The following CYP4F22 variants were observed in gnomAD, a reference collection of about 807,000 sequenced individuals.
CYP4F22 encodes ultra-long-chain fatty acid omega-hydroxylase.
A neutral mutation model predicts 60.4 loss-of-function variants in CYP4F22; 37 were observed. That is an observed-to-expected ratio of 0.61 (90% CI 0.47 to 0.81). CYP4F22 has a LOEUF of 0.81. Ranked by LOEUF, CYP4F22 falls within the 30% of genes least tolerant of loss-of-function variation. The pLI is 0.00. For missense variants in CYP4F22, 655 were observed against 715.0 expected, an observed-to-expected ratio of 0.92 and a Z score of 0.96; for synonymous variants, 258 against 280.5, an observed-to-expected ratio of 0.92 and a Z score of 0.80.
intron 13 of CYP4F22, 34 bp downstream of exon 13, chr19:15,550,790 T>G (rs375207389): frequency 3.1e-5 from 50 of 1,609,620 alleles, no homozygotes; most frequent in Middle Eastern, 1.6e-4. Flanking sequence ...CCAAGCCAGC[T>G]GTGTAGGAAC....
Position 15,544,207 on chromosome 19 carries a change from C to T in CYP4F22, c.1064C>T (p.Pro355Leu), listed in dbSNP as rs760727576. The change falls in exon 10 of 14, where the codon CCG becomes CTG. Residue 355 changes from proline (P) to leucine (L), a missense_variant. Physicochemically the swap from Pro to Leu is moderately conservative, Grantham distance 98. Transcript: ENST00000269703. ...SWMLFNLAKYPEYQEKCREEI... is the reference protein window; with the variant it reads ...SWMLFNLAKYLEYQEKCREEI... ...ATGCTGTTCAATTTGGCAAAGTATC[C>T]GGAATACCAGGAGAAATGCCGAGAA... 2.3e-5 allele frequency: 37 copies of T among 1,613,884 alleles called. No homozygotes were observed. Among genetic ancestry groups the T allele is most frequent in the Admixed American group, 3.3e-5 (2 of 59,964 alleles).
At chr19:15,535,859 C>T (rs957289607) in intron 4 of CYP4F22, among the ~76,000 whole-genome samples, 7 of 152,178 alleles carry the variant, frequency 4.6e-5, no homozygotes, top group African/African-American at 1.2e-4. Context: ...GTAATCAACA[C>T]GAACCCTCCT....
At chr19:15,542,689 C>T (rs1415103857) in intron 8 of CYP4F22, among the ~76,000 whole-genome samples, 1 of 151,978 alleles carries the variant, frequency 6.6e-6, no homozygotes, top group African/African-American at 2.4e-5. Flanking sequence ...GCTATTTATC[C>T]TGATATTCTC....
intron 1 of CYP4F22, among the ~76,000 whole-genome samples, chr19:15,512,315 G>A (rs753230816): frequency 9.9e-5 from 15 of 152,078 alleles, no homozygotes; most frequent in Non-Finnish European, 1.8e-4. Flanking sequence ...AGTCAAAAGT[G>A]AACATTAAAT....
At chr19:15,532,533 C>A (rs1971354498) in intron 4 of CYP4F22, among the ~76,000 whole-genome samples, 1 of 151,362 alleles carries the variant, frequency 6.6e-6, no homozygotes, top group Admixed American at 6.6e-5. Flanking sequence ...CACCACCACA[C>A]CTGGCTAATT....
intron 1 of CYP4F22, among the ~76,000 whole-genome samples, chr19:15,514,454 G>C (rs1260205897): frequency 6.6e-6 from 1 of 152,178 alleles, no homozygotes; most frequent in African/African-American, 2.4e-5. Flanking sequence ...TTGGGAGGCC[G>C]AGGCGGGTGG....
chr19:15,527,028 T>C (rs1376740574), intron 3 of CYP4F22, among the ~76,000 whole-genome samples: 1 of 152,116 alleles, frequency 6.6e-6, no homozygotes, highest in Non-Finnish European at 1.5e-5. Flanking sequence ...TTAGTTCTAC[T>C]CTCTGATGCC....
chr19:15,518,489 A>AG (rs953379247), intron 1 of CYP4F22, among the ~76,000 whole-genome samples: 3 of 147,884 alleles, frequency 2.0e-5, no homozygotes, highest in Non-Finnish European at 4.5e-5. Flanking sequence ...AAATACAAAA[A>AG]AAAAAAAAAA....
chr19:15,534,364 A>G (rs1200476667), intron 4 of CYP4F22, among the ~76,000 whole-genome samples: 3 of 152,182 alleles, frequency 2.0e-5, no homozygotes, highest in Non-Finnish European at 4.4e-5. Flanking sequence ...GCTCTCAAAC[A>G]TAGTGATATG....
intron 1 of CYP4F22, among the ~76,000 whole-genome samples, chr19:15,515,111 G>A (rs1971138089): frequency 6.6e-6 from 1 of 152,152 alleles, no homozygotes; most frequent in South Asian, 2.1e-4. Context: ...AAAGGCAGCT[G>A]GTATTGCGTA....
chr19:15,543,804 C>A (rs1971489762), intron 8 of CYP4F22, among the ~76,000 whole-genome samples, 167 bp from the exon 9 acceptor site: 1 of 149,490 alleles, frequency 6.7e-6, no homozygotes, highest in African/African-American at 2.5e-5. Context: ...CTGCAGTTAG[C>A]CGAGATTGTG....
chr19:15,549,030 C>A, intron 11 of CYP4F22, 108 bp from the exon 12 acceptor site: 1 of 1,202,350 alleles, frequency 8.3e-7, no homozygotes, highest in Non-Finnish European at 1.2e-6. Context: ...AAGGTGGTGG[C>A]AGATGGCTCA....
At chr19:15,532,010 G>A (rs1568358429) in intron 4 of CYP4F22, among the ~76,000 whole-genome samples, 2 of 152,020 alleles carry the variant, frequency 1.3e-5, no homozygotes, top group Non-Finnish European at 2.9e-5. Flanking sequence ...GGAGGCTGAG[G>A]TAGGAGGATT....
At chr19:15,542,085 A>G (rs1386975338) in intron 8 of CYP4F22, among the ~76,000 whole-genome samples, 1 of 151,982 alleles carries the variant, frequency 6.6e-6, no homozygotes, top group Non-Finnish European at 1.5e-5. Flanking sequence ...TGATCATAAA[A>G]CCTGATCACA....
chr19:15,532,024 T>G (rs933803342), intron 4 of CYP4F22, among the ~76,000 whole-genome samples: 1 of 151,966 alleles, frequency 6.6e-6, no homozygotes, highest in African/African-American at 2.4e-5. Flanking sequence ...GAGGATTGCT[T>G]GAGTCCAAGA....
intron 1 of CYP4F22, among the ~76,000 whole-genome samples, chr19:15,513,006 C>A (rs73929922): frequency 2.0e-5 from 3 of 148,014 alleles, no homozygotes; most frequent in African/African-American, 7.9e-5. Flanking sequence ...CTCTCTCTCT[C>A]TCTCTCTTTT....
Position 15,525,454 on chromosome 19 carries a change from C to T in CYP4F22, c.118C>T (p.Leu40=). 1 of 1,614,178 alleles carries T rather than the reference C, an allele frequency of 6.2e-7. No individual in the cohort carries two copies. Among genetic ancestry groups the T allele is most frequent in the Non-Finnish European group, 8.5e-7 (1 of 1,180,036 alleles). The change falls in exon 3 of 14, where the codon CTG becomes TTG. Residue 40 remains leucine (L), a synonymous_variant. Coordinates refer to ENST00000269703, the MANE Select transcript of CYP4F22 (RefSeq NM_173483.4). ...GCTCTTCTTCCTGTTCCGCCTGCTGCTGCGGTTCCTGAGGCTCTGCAGGAG... is the reference window on the plus strand; with the variant it reads ...GCTCTTCTTCCTGTTCCGCCTGCTGTTGCGGTTCCTGAGGCTCTGCAGGAG... ...FLLFFLFRLL[L]RFLRLCRSFY...
chr19:15,518,368 C>T (rs1971178903), intron 1 of CYP4F22, among the ~76,000 whole-genome samples: 2 of 151,062 alleles, frequency 1.3e-5, no homozygotes, highest in Admixed American at 1.3e-4. Flanking sequence ...AGGCCGGGCA[C>T]GGTGGCTCAC....
chr19:15,527,070 C>A (rs1285809529), intron 3 of CYP4F22, among the ~76,000 whole-genome samples: 2 of 152,106 alleles, frequency 1.3e-5, no homozygotes, highest in Non-Finnish European at 2.9e-5. Context: ...GCTGGACTTT[C>A]CCTTTTGGAC....
Sources: allele counts gnomAD v4.1 joint callset (sites outside exome capture counted in the v4.1 genomes callset), GRCh38; gene constraint gnomAD v4.1.1; transcripts MANE v1.5; gene names NCBI Gene and HGNC (gene_info 2026-07-23, HGNC 2026-07-21).